HIRA: variants seen among roughly 807,000 people sequenced by gnomAD.
The protein encoded by HIRA is protein HIRA.
A neutral mutation model predicts 126.6 loss-of-function variants in HIRA; 13 were observed. That is an observed-to-expected ratio of 0.10 (90% CI 0.07 to 0.16). HIRA has a LOEUF of 0.16. Among genes scored for constraint, HIRA ranks in the 10% least tolerant of loss-of-function variants. The pLI, the probability that HIRA is intolerant of heterozygous loss-of-function variation, is 1.00. For synonymous variants in HIRA, 511 were observed against 520.0 expected (o/e 0.98, Z 0.24); for missense variants, 834 against 1,314.4 (o/e 0.63, Z 5.65).
chr22:19,366,887 G>A (rs746643319), intron 15 of HIRA, among the ~76,000 whole-genome samples: 1 of 151,920 alleles, frequency 6.6e-6, no homozygotes, highest in South Asian at 2.1e-4. Context: ...CAGCCTCCCC[G>A]AGTAGCTAGG....
chr22:19,384,963 G>A (rs1052052502), intron 12 of HIRA, among the ~76,000 whole-genome samples: 5 of 152,098 alleles, frequency 3.3e-5, no homozygotes, highest in Non-Finnish European at 5.9e-5. Flanking sequence ...CTGAGGTAGA[G>A]ATTTTCAAAC....
chr22:19,404,875 A>G (rs2089296019), intron 5 of HIRA, among the ~76,000 whole-genome samples: 2 of 152,060 alleles, frequency 1.3e-5, no homozygotes, highest in East Asian at 1.9e-4. Context: ...TCCCAAATCA[A>G]TCTCCTCTTC....
chr22:19,371,723 C>T (rs1339446795), intron 15 of HIRA, among the ~76,000 whole-genome samples: 1 of 152,206 alleles, frequency 6.6e-6, no homozygotes, highest in Non-Finnish European at 1.5e-5. Flanking sequence ...AATCATACAA[C>T]CTATGATCCT....
At chr22:19,405,645 T>G (rs1038149748) in intron 5 of HIRA, 141 bp downstream of exon 5, 20 of 824,634 alleles carry the variant, frequency 2.4e-5, no homozygotes, top group Non-Finnish European at 3.3e-6. Flanking sequence ...ACAGGCAGGG[T>G]GTGACTGATT....
At chr22:19,388,284 C>T (rs1258765806) in intron 10 of HIRA, among the ~76,000 whole-genome samples, 200 bp downstream of exon 10, 1 of 152,184 alleles carries the variant, frequency 6.6e-6, no homozygotes, top group Non-Finnish European at 1.5e-5. Flanking sequence ...AAATTCTACA[C>T]AGGCAGGACA....
At chr22:19,389,960 C>T (rs9606001) in intron 9 of HIRA, among the ~76,000 whole-genome samples, 20,541 of 151,070 alleles carry the variant, frequency 0.14, 2,769 homozygotes, top group African/African-American at 0.35. Context: ...GAACTTCCAA[C>T]TTGCTCTGCT....
At chr22:19,382,814 G>C (rs897248995) in intron 13 of HIRA, among the ~76,000 whole-genome samples, 1 of 144,792 alleles carries the variant, frequency 6.9e-6, no homozygotes, top group African/African-American at 2.6e-5. Flanking sequence ...ATTTTGGGAA[G>C]AATAACCAAT....
rs782302599 is a variant in HIRA at position 19,354,126 on chromosome 22, G to T, written c.2562-8C>A. 3.1e-6 allele frequency: 5 copies of T among 1,611,790 alleles called. No individual in the cohort carries two copies. In the East Asian group the frequency reaches 1.1e-4, roughly 36 times the overall value. ...TTGTCAGAAACCAGGTTCCTGGGGA[G>T]GCAAAGGCAGGAGCAGAGCTCAGGA... On this transcript the variant is annotated splice_polypyrimidine_tract_variant and splice_region_variant and intron_variant, in intron 21 of 24. Transcript: ENST00000263208.
Position 19,359,426 on chromosome 22 carries a change from C to T in HIRA, c.2144G>A (p.Gly715Asp), listed in dbSNP as rs760967846. 8 of 1,609,696 alleles carry T rather than the reference C, an allele frequency of 5.0e-6. No homozygotes were observed. The highest frequency in any genetic ancestry group is 1.1e-5 in the South Asian group (1 of 90,018). ...EVENEVTVVG[G>D]VKLSRLKCNR... ...GCACTTCAGGCGGCTCAGCTTCACG[C>T]CCCCCACCACTGTCACTTCATTCTC... is the stretch of plus-strand genomic sequence containing the variant. The change falls in exon 18 of 25, where the codon GGC becomes GAC. Residue 715 changes from glycine to aspartate, a missense_variant. Transcript: ENST00000263208.
At chr22:19,399,610 G>A (rs28579329) in intron 5 of HIRA, among the ~76,000 whole-genome samples, 1 of 152,118 alleles carries the variant, frequency 6.6e-6, no homozygotes, top group African/African-American at 2.4e-5. Flanking sequence ...ATCCTGGGCA[G>A]AATATCTGAG....
chr22:19,384,239 G>A (rs548215128), intron 12 of HIRA, among the ~76,000 whole-genome samples: 109 of 144,694 alleles, frequency 7.5e-4, no homozygotes, highest in African/African-American at 2.6e-3. Flanking sequence ...CAGGAGAATC[G>A]CCTGAACCAG....
chr22:19,431,457 G>C lies in HIRA; in HGVS notation c.20C>G (p.Thr7Ser), dbSNP rs1054724301. Residue 7 changes from threonine to serine, a missense_variant, in exon 1 of 25, where the codon ACC (threonine) becomes AGC (serine). Physicochemically the swap from Thr to Ser is moderately conservative, Grantham distance 58 (BLOSUM62 1). Coordinates refer to ENST00000263208, the MANE Select transcript of HIRA (RefSeq NM_003325.4). ...GCACTCACCATTGTGGTTGACCCAG[G>C]TCGGCTTCAGGAGCTTCATTGTTCG... MKLLKP[T>S]WVNHNGKPIF... The C allele has an allele frequency of 1.9e-6, 3 of 1,607,792 alleles. No individual in the cohort carries two copies. Among genetic ancestry groups the C allele is most frequent in the African/African-American group, 2.7e-5 (2 of 74,594 alleles).
At chr22:19,388,878 G>A (rs912253873) in intron 9 of HIRA, among the ~76,000 whole-genome samples, 1 of 152,210 alleles carries the variant, frequency 6.6e-6, no homozygotes, top group Non-Finnish European at 1.5e-5. Context: ...GGAGGAGAGG[G>A]ACAGCCCCAG....
At chr22:19,383,141 G>A (rs763401323) in intron 13 of HIRA, among the ~76,000 whole-genome samples, 1 of 151,890 alleles carries the variant, frequency 6.6e-6, no homozygotes, top group Non-Finnish European at 1.5e-5. Context: ...AAACAGTAAC[G>A]AGTGGGGAAA....
intron 13 of HIRA, among the ~76,000 whole-genome samples, chr22:19,378,574 C>G (rs1218171295): frequency 6.6e-6 from 1 of 152,244 alleles, no homozygotes; most frequent in Non-Finnish European, 1.5e-5. Context: ...TCTGGGACAG[C>G]CAGGTCTGAC....
At chr22:19,332,757 C>G (rs2088505663) in intron 24 of HIRA, among the ~76,000 whole-genome samples, 1 of 146,832 alleles carries the variant, frequency 6.8e-6, no homozygotes, top group South Asian at 2.1e-4. Flanking sequence ...AGACTCCAAC[C>G]TAAAGCCATC....
At chr22:19,431,406 G>C in intron 1 of HIRA, 34 bp downstream of exon 1, 1 of 1,605,564 alleles carries the variant, frequency 6.2e-7, no homozygotes, top group Non-Finnish European at 8.5e-7. Context: ...CCCGACTCCG[G>C]GCTCGGCCTC....
At chr22:19,370,178 C>G (rs1569298234) in intron 15 of HIRA, among the ~76,000 whole-genome samples, 1 of 152,078 alleles carries the variant, frequency 6.6e-6, no homozygotes, top group Non-Finnish European at 1.5e-5. Flanking sequence ...GTCTCCAACT[C>G]CTAACCTCAG....
At chr22:19,409,736 T>G (rs1378871179) in intron 2 of HIRA, among the ~76,000 whole-genome samples, 1 of 152,230 alleles carries the variant, frequency 6.6e-6, no homozygotes, top group South Asian at 2.1e-4. Flanking sequence ...TGTAAAAGTA[T>G]TTCCAAAACA....
Sources: gnomAD v4.1 joint callset for allele counts (sites outside exome capture counted in the v4.1 genomes callset) on GRCh38, gnomAD v4.1.1 for gene constraint, MANE v1.5 for transcripts, NCBI Gene and HGNC (gene_info 2026-07-23, HGNC 2026-07-21) for gene names.